ZSCAN18: variants seen among roughly 807,000 people sequenced by gnomAD.
ZSCAN18 encodes zinc finger and SCAN domain containing 18.
A neutral mutation model predicts 31.1 loss-of-function variants in ZSCAN18; 16 were observed. The observed-to-expected ratio is 0.51, with a 90% confidence interval of 0.35 to 0.78. The LOEUF (loss-of-function observed/expected upper bound fraction) is 0.78, where lower values mean the gene tolerates loss of function less well. Ranked by LOEUF, ZSCAN18 falls within the 30% of genes least tolerant of loss-of-function variation. The probability of loss-of-function intolerance (pLI) is 0.01; values close to 1 mark genes in which losing one functional copy is unlikely to be tolerated. For missense variants in ZSCAN18, 731 were observed against 697.4 expected (o/e 1.05, Z -0.54); for synonymous variants, 375 against 320.7 (o/e 1.17, Z -1.81).
chr19:58,088,872 G>C (rs1017900045), intron 2 of ZSCAN18, 35 bp from the exon 3 acceptor site: 6 of 1,587,568 alleles, frequency 3.8e-6, no homozygotes, highest in Non-Finnish European at 5.1e-6. Flanking sequence ...ACCCCAAGAG[G>C]TCAGGACACG....
rs1458770056 is a variant in ZSCAN18 at position 58,087,013 on chromosome 19, A to C, written c.643-5T>G. The C allele has an allele frequency of 6.2e-7, 1 of 1,611,512 alleles. No homozygotes were observed. ...CTCTGGAAAGGACTTCAGCTTCTGAAACATTAGTCGTGGCTGAGACCTCCC... is the reference window on the plus strand; with the variant it reads ...CTCTGGAAAGGACTTCAGCTTCTGACACATTAGTCGTGGCTGAGACCTCCC... On this transcript the variant is annotated splice_polypyrimidine_tract_variant and splice_region_variant and intron_variant, in intron 4 of 6. Transcript: ENST00000601144.
intron 6 of ZSCAN18, 118 bp downstream of exon 6, chr19:58,086,056 G>A (rs111958170): frequency 1.3e-6 from 1 of 772,060 alleles, no homozygotes; most frequent in East Asian, 2.6e-5. Flanking sequence ...TGGGAGAATG[G>A]TGAAGCAGTC....
intron 2 of ZSCAN18, among the ~76,000 whole-genome samples, chr19:58,089,594 C>G (rs1261909684): frequency 6.6e-6 from 1 of 152,168 alleles, no homozygotes; most frequent in Non-Finnish European, 1.5e-5. Context: ...CCACTGCGCT[C>G]CAGCCTAGTG....
At chr19:58,113,923 A>C (rs377727096) in intron 1 of ZSCAN18, among the ~76,000 whole-genome samples, 2 of 152,048 alleles carry the variant, frequency 1.3e-5, no homozygotes, top group Non-Finnish European at 1.5e-5. Context: ...GGTTGCCATA[A>C]GCCAAGATCG....
At position 58,085,954 on chromosome 19, in the gene ZSCAN18, TG is replaced by T; in HGVS notation, c.838+219del. 1.3e-5 allele frequency: 7 copies of T among 553,854 alleles called. No individual in the cohort carries two copies. In the Middle Eastern group the frequency reaches 1.2e-3, roughly 95 times the overall value. The allele number at this position is 553,854 out of a possible 1,614,324, so 34.3% of individuals were successfully genotyped here. On this transcript the variant is annotated intron_variant, in intron 6 of 6. Transcript: ENST00000601144. The stretch of plus-strand genomic sequence containing the variant: ...CACAGATCCTGGCAACTAACACCAC[TG>T]CCGTTTCCACCGACCAAGTCTTGGG...
intron 3 of ZSCAN18, 25 bp downstream of exon 3, chr19:58,088,663 G>A (rs746775654): frequency 1.9e-6 from 3 of 1,601,456 alleles, no homozygotes; most frequent in East Asian, 4.5e-5. Flanking sequence ...CCCAGCAGAG[G>A]CTGCCAGGCT....
chr19:58,096,847 A>C (rs1301607381), intron 1 of ZSCAN18, among the ~76,000 whole-genome samples: 1 of 152,118 alleles, frequency 6.6e-6, no homozygotes, highest in East Asian at 1.9e-4. Context: ...AGAATGAAAA[A>C]ACATGGAGTA....
chr19:58,112,766 A>G (rs1032342949), intron 1 of ZSCAN18, among the ~76,000 whole-genome samples: 3 of 151,804 alleles, frequency 2.0e-5, no homozygotes, highest in Admixed American at 6.6e-5. Context: ...CCTGGCCAAC[A>G]TGGTGAAACC....
intron 1 of ZSCAN18, among the ~76,000 whole-genome samples, chr19:58,096,317 C>T (rs1444003579): frequency 6.6e-6 from 1 of 152,204 alleles, no homozygotes; most frequent in Non-Finnish European, 1.5e-5. Context: ...GGTCACTGGG[C>T]AAACCTCCCT....
intron 1 of ZSCAN18, among the ~76,000 whole-genome samples, chr19:58,106,703 C>CAAA (rs1225360206): frequency 1.1e-3 from 2 of 1,860 alleles, no homozygotes; most frequent in African/African-American, 1.7e-3. Flanking sequence ...GACTCCGTCT[C>CAAA]AAAAAAAAAA....
chr19:58,087,603 A>G (rs2074309407), intron 3 of ZSCAN18, 199 bp from the exon 4 acceptor site: 2 of 557,082 alleles, frequency 3.6e-6, no homozygotes. Flanking sequence ...GGCCCCAGAG[A>G]TGCCCATTCA....
At position 58,085,753 on chromosome 19, in the gene ZSCAN18, C is replaced by G. The variant is rs563983209; in HGVS notation, c.839-374G>C. 9.3e-6 allele frequency: 3 copies of G among 324,100 alleles called. No homozygotes were observed. In the South Asian group the frequency reaches 1.9e-4, roughly 21 times the overall value. 20.1% of individuals were successfully genotyped at this position (324,100 alleles called of 1,614,324 possible). A position where few individuals can be genotyped will look rare whatever the true frequency, so the allele number is the denominator to read the frequency against. On this transcript the variant is annotated intron_variant, in intron 6 of 6. Transcript: ENST00000601144. ...AGCGCACCCTCCTGGAGGGAGGGGC[C>G]CGGCTGCCAGCGAAGAGAGTGGGGT... is the stretch of plus-strand genomic sequence containing the variant.
At chr19:58,111,162 C>T (rs375629388) in intron 1 of ZSCAN18, among the ~76,000 whole-genome samples, 127 of 97,996 alleles carry the variant, frequency 1.3e-3, no homozygotes, top group African/African-American at 3.5e-3. Flanking sequence ...AGCAAGACTC[C>T]GTCTCAAAAA....
intron 1 of ZSCAN18, chr19:58,108,283 T>G (rs1197749465): frequency 2.0e-6 from 2 of 985,368 alleles, no homozygotes; most frequent in Non-Finnish European, 2.4e-6. Context: ...ATGTGAATTC[T>G]CAGATGGACA....
chr19:58,092,783 T>G (rs2074440913), intron 1 of ZSCAN18: 1 of 950,692 alleles, frequency 1.1e-6, no homozygotes, highest in Non-Finnish European at 1.3e-6. Flanking sequence ...TTTTTTTTTT[T>G]TTTTTTTAAA....
Position 58,090,573 on chromosome 19 carries a change from C to T in ZSCAN18, c.-119-187G>A. The T allele has an allele frequency of 3.7e-6, 2 of 535,066 alleles. No homozygotes were observed. The highest frequency in any genetic ancestry group is 3.8e-5 in the South Asian group (1 of 26,110). The allele number at this position is 535,066 out of a possible 1,614,324, so 33.1% of individuals were successfully genotyped here. A position where few individuals can be genotyped will look rare whatever the true frequency, so the allele number is the denominator to read the frequency against. On this transcript the variant is annotated intron_variant, in intron 1 of 6. Transcript: ENST00000601144. This position sits in a 1 kb window ranked among gnomAD's most constrained non-coding sequence, Gnocchi z 4.7. The stretch of plus-strand genomic sequence containing the variant: ...AAAGTAGCATGTAAATGGAGGGTAA[C>T]TCATTCTGTGCATTACCAGAATTTT...
intron 1 of ZSCAN18, among the ~76,000 whole-genome samples, chr19:58,092,176 A>G (rs1015314739): frequency 2.0e-5 from 3 of 152,160 alleles, no homozygotes; most frequent in Non-Finnish European, 2.9e-5. Flanking sequence ...AAAATGCTCA[A>G]CGGTGAGTAC....
chr19:58,100,728 C>G (rs540354863), upstream of ZSCAN18, among the ~76,000 whole-genome samples: 110 of 72,348 alleles, frequency 1.5e-3, 1 homozygote, highest in South Asian at 6.7e-3. Context: ...ACTAAAAATA[C>G]AAAAATTAGC....
chr19:58,090,511 C>T lies in ZSCAN18; in HGVS notation c.-119-125G>A, dbSNP rs1186280390. The T allele has an allele frequency of 7.2e-6, 6 of 837,176 alleles. No individual in the cohort carries two copies. In the East Asian group the frequency reaches 1.6e-4, roughly 23 times the overall value. The allele number at this position is 837,176 out of a possible 1,614,324, so 51.9% of individuals were successfully genotyped here. Reference sequence around the variant, plus strand: ...ATTTCCAAGAAACCCGCTTGTTAGGCATCAGTAGAACCTCAGTGTTGTACT... The same window carrying T: ...ATTTCCAAGAAACCCGCTTGTTAGGTATCAGTAGAACCTCAGTGTTGTACT... On this transcript the variant is annotated intron_variant, in intron 1 of 6. Transcript: ENST00000601144. The surrounding 1 kb of genome is among the most constrained non-coding windows in gnomAD (Gnocchi z 4.7).
Sources: gnomAD v4.1 joint callset for allele counts (sites outside exome capture counted in the v4.1 genomes callset) on GRCh38, gnomAD v4.1.1 for gene constraint, Gnocchi (gnomAD v3.1) non-coding constraint, MANE v1.5 for transcripts, NCBI Gene and HGNC (gene_info 2026-07-23, HGNC 2026-07-21) for gene names.